SYTL3: variants seen among roughly 807,000 people sequenced by gnomAD.
SYTL3 encodes the protein synaptotagmin like 3.
A neutral mutation model predicts 82.1 loss-of-function variants in SYTL3; 88 were observed. The observed-to-expected ratio is 1.07, with a 90% confidence interval of 0.90 to 1.28. SYTL3 has a LOEUF of 1.28. Among genes scored for constraint, SYTL3 ranks in the 50% most tolerant of loss-of-function variants. The pLI is 0.00. For missense variants in SYTL3, 831 were observed against 757.6 expected, an observed-to-expected ratio of 1.10 and a Z score of -1.14; for synonymous variants, 311 against 289.4, an observed-to-expected ratio of 1.07 and a Z score of -0.76.
chr6:158,726,301 C>T (rs1040442264), intron 11 of SYTL3: 20 of 402,258 alleles, frequency 5.0e-5, no homozygotes, highest in South Asian at 9.1e-5. Context: ...ATGACACAGG[C>T]GTCTTCAGGT....
chr6:158,758,452 A>AAT (rs1465524185), intron 14 of SYTL3, among the ~76,000 whole-genome samples: 1 of 144,562 alleles, frequency 6.9e-6, no homozygotes, highest in Non-Finnish European at 1.5e-5. Context: ...AAAAAAAAAA[A>AAT]CCCAGCGGGA....
intron 12 of SYTL3, among the ~76,000 whole-genome samples, chr6:158,748,530 T>C (rs981907802): frequency 7.9e-5 from 12 of 152,124 alleles, no homozygotes; most frequent in Admixed American, 6.6e-4. Flanking sequence ...TAAAATGAAT[T>C]ATTTAAACCT....
At chr6:158,669,136 A>G (rs1251113558) in intron 5 of SYTL3, among the ~76,000 whole-genome samples, 5 of 152,322 alleles carry the variant, frequency 3.3e-5, no homozygotes, top group East Asian at 1.9e-4. Flanking sequence ...TTGAAATATC[A>G]AGGAGGAGAC....
Position 158,663,175 on chromosome 6 carries a change from C to T in SYTL3, c.-94C>T, listed in dbSNP as rs1789564280. On this transcript the variant is annotated 5_prime_UTR_variant, in exon 4 of 18. Transcript: ENST00000611299. ...GAGGGAGCTCTTTAAACAAGGCTGG[C>T]TGCAGCTGGCCTCCGCCGCTCATCT... 7 of 1,069,612 alleles carry T rather than the reference C, an allele frequency of 6.5e-6. No homozygotes were observed. Among genetic ancestry groups the T allele is most frequent in the Non-Finnish European group, 9.8e-6 (7 of 710,780 alleles). 66.3% of individuals were successfully genotyped at this position (1,069,612 alleles called of 1,614,324 possible).
intron 12 of SYTL3, among the ~76,000 whole-genome samples, chr6:158,748,347 C>T (rs534473249): frequency 1.2e-3 from 189 of 152,266 alleles, no homozygotes; most frequent in Non-Finnish European, 2.2e-3. Flanking sequence ...GTGGTTCCTT[C>T]GTAACAGAAT....
intron 6 of SYTL3, among the ~76,000 whole-genome samples, chr6:158,700,851 C>T (rs1469271322): frequency 2.6e-5 from 4 of 151,972 alleles, no homozygotes; most frequent in South Asian, 2.1e-4. Flanking sequence ...CTCCTGACCT[C>T]ATGATCTGCC....
At chr6:158,647,535 T>C, upstream of SYTL3, among the ~76,000 whole-genome samples, 1 of 152,254 alleles carries the variant, frequency 6.6e-6, no homozygotes, top group East Asian at 1.9e-4. Flanking sequence ...TTCTCTAGGC[T>C]TATGTGATGT....
chr6:158,702,760 C>T (rs1781464989), intron 6 of SYTL3, among the ~76,000 whole-genome samples: 1 of 151,930 alleles, frequency 6.6e-6, no homozygotes, highest in African/African-American at 2.4e-5. Context: ...TGACTTCCTG[C>T]AGGCTTTTTA....
chr6:158,664,354 G>A (rs756447491), intron 4 of SYTL3, among the ~76,000 whole-genome samples: 26 of 152,304 alleles, frequency 1.7e-4, no homozygotes, highest in Non-Finnish European at 2.9e-4. Context: ...AGACCAGCCT[G>A]GCCAACATAG....
intron 6 of SYTL3, among the ~76,000 whole-genome samples, chr6:158,694,247 CTG>C (rs1780322518): frequency 6.6e-6 from 1 of 151,956 alleles, no homozygotes; most frequent in African/African-American, 2.4e-5. Context: ...TGCTTTCTCC[CTG>C]TGTTTCTAGA....
At chr6:158,661,047 C>T (rs1474268588) in intron 2 of SYTL3, among the ~76,000 whole-genome samples, 1 of 152,120 alleles carries the variant, frequency 6.6e-6, no homozygotes, top group Non-Finnish European at 1.5e-5. Flanking sequence ...AGAATGAGGT[C>T]CTGTCTCAAA....
Position 158,684,446 on chromosome 6 carries a change from A to G in SYTL3, c.394+1457A>G, listed in dbSNP as rs551144986. On this transcript the variant is annotated intron_variant, in intron 6 of 17. Transcript: ENST00000611299. ...AGAGAATGATTTGTGCTTTGATCAC[A>G]GAAGAGCTGTGATGGGGCATCAGGA... is the stretch of plus-strand genomic sequence containing the variant. 1.8e-3 allele frequency among the ~76,000 whole-genome samples: 280 copies of G among 152,346 alleles called. 1 individual carries two copies. Among genetic ancestry groups the G allele is most frequent in the African/African-American group, 6.5e-3 (269 of 41,576 alleles).
chr6:158,683,142 T>C (rs1466913710), intron 6 of SYTL3, among the ~76,000 whole-genome samples, 153 bp downstream of exon 6: 2 of 152,022 alleles, frequency 1.3e-5, no homozygotes, highest in South Asian at 2.1e-4. Flanking sequence ...CTCACTGTAA[T>C]TCACGCTGCT....
At chr6:158,650,197 G>A (rs1787816375) in intron 1 of SYTL3, 119 bp downstream of exon 1, 1 of 152,046 alleles carries the variant, frequency 6.6e-6, no homozygotes. Context: ...GAAAAGGTAG[G>A]AAACAAAACA....
At chr6:158,759,883 A>G (rs1268585279) in intron 14 of SYTL3, among the ~76,000 whole-genome samples, 1 of 151,994 alleles carries the variant, frequency 6.6e-6, no homozygotes, top group African/African-American at 2.4e-5. Context: ...TTCTTAAAAC[A>G]TGAGTTTTTT....
chr6:158,756,637 A>G (rs748390931), intron 13 of SYTL3, among the ~76,000 whole-genome samples: 3 of 145,502 alleles, frequency 2.1e-5, no homozygotes, highest in Non-Finnish European at 3.0e-5. Flanking sequence ...GCTTGAACCC[A>G]GGAGGCAGAG....
At chr6:158,648,545 C>T (rs897514610), upstream of SYTL3, among the ~76,000 whole-genome samples, 4 of 149,122 alleles carry the variant, frequency 2.7e-5, no homozygotes, top group African/African-American at 7.4e-5. Flanking sequence ...GAGCCGAGAT[C>T]GCGCCACTGC....
intron 11 of SYTL3, among the ~76,000 whole-genome samples, chr6:158,730,141 C>G (rs1562434871): frequency 6.6e-6 from 1 of 152,198 alleles, no homozygotes; most frequent in Non-Finnish European, 1.5e-5. Flanking sequence ...TTTCTAAGTC[C>G]TTTTGCAAGC....
At chr6:158,711,288 G>A (rs766620359) in intron 8 of SYTL3, among the ~76,000 whole-genome samples, 66 of 152,130 alleles carry the variant, frequency 4.3e-4, no homozygotes, top group Non-Finnish European at 6.5e-4. Context: ...GTGTTGTGAG[G>A]AATACAATAA....
Sources: gnomAD v4.1 joint callset for allele counts (sites outside exome capture counted in the v4.1 genomes callset) on GRCh38, gnomAD v4.1.1 for gene constraint, MANE v1.5 for transcripts, NCBI Gene and HGNC (gene_info 2026-07-23, HGNC 2026-07-21) for gene names.